Variants in CERS3 observed in about 807,000 individuals in gnomAD.
The protein encoded by CERS3 is ceramide synthase 3, also known as LAG1 homolog, ceramide synthase 3.
In CERS3, 33 loss-of-function variants were observed where a neutral mutation model predicts 50.3. The ratio of observed to expected loss-of-function variants is 0.66; its 90% CI spans 0.50 to 0.88. The LOEUF (loss-of-function observed/expected upper bound fraction) is 0.88, where lower values mean the gene tolerates loss of function less well. Among genes scored for constraint, CERS3 ranks in the 40% least tolerant of loss-of-function variants. CERS3 has a pLI of 0.00. For synonymous variants in CERS3, 176 were observed against 155.2 expected (o/e 1.13, Z -0.99); for missense variants, 470 against 460.3 (o/e 1.02, Z -0.19).
intron 11 of CERS3, among the ~76,000 whole-genome samples, chr15:100,442,287 A>C (rs2587815): frequency 0.95 from 145,108 of 152,252 alleles, 69,556 homozygotes; most frequent in East Asian, 1. Flanking sequence ...TCTCAATATA[A>C]ATTTTATTAC....
intron 4 of CERS3, among the ~76,000 whole-genome samples, chr15:100,486,562 A>G (rs2035492209): frequency 6.6e-6 from 1 of 152,254 alleles, no homozygotes; most frequent in South Asian, 2.1e-4. Flanking sequence ...TCATTTAAGA[A>G]AAAAGTATTC....
chr15:100,511,578 G>A (rs143959813), intron 2 of CERS3, among the ~76,000 whole-genome samples: 712 of 65,368 alleles, frequency 0.011, 112 homozygotes, highest in East Asian at 0.025. Flanking sequence ...TCCATTGGGA[G>A]CCTGGGCTTC....
intron 11 of CERS3, among the ~76,000 whole-genome samples, chr15:100,410,560 C>T (rs1390734096): frequency 1.3e-5 from 2 of 152,184 alleles, no homozygotes; most frequent in African/African-American, 4.8e-5. Flanking sequence ...GACGAACTGC[C>T]TCACATTCCA....
chr15:100,476,756 A>G (rs555468475), intron 7 of CERS3, among the ~76,000 whole-genome samples: 1 of 152,160 alleles, frequency 6.6e-6, no homozygotes, highest in African/African-American at 2.4e-5. Flanking sequence ...GGTGGTGTTT[A>G]TTTTAGCTAA....
intron 2 of CERS3, among the ~76,000 whole-genome samples, chr15:100,504,130 C>T (rs1269485732): frequency 3.9e-5 from 6 of 152,144 alleles, no homozygotes; most frequent in Non-Finnish European, 5.9e-5. Context: ...GAGATAATTC[C>T]GTACCTCATC....
At chr15:100,469,604 G>T in intron 9 of CERS3, 120 bp from the exon 10 acceptor site, 1 of 677,974 alleles carries the variant, frequency 1.5e-6, no homozygotes, top group Non-Finnish European at 2.5e-6. Flanking sequence ...GTGGAAAGTA[G>T]GGGGTACAGG....
chr15:100,423,499 CA>C (rs1427171737), intron 11 of CERS3, among the ~76,000 whole-genome samples: 1 of 152,052 alleles, frequency 6.6e-6, no homozygotes, highest in African/African-American at 2.4e-5. Flanking sequence ...GCCATTATCC[CA>C]AGTAAATTAA....
intron 10 of CERS3, among the ~76,000 whole-genome samples, chr15:100,459,388 C>G (rs1049662773): frequency 6.6e-6 from 1 of 152,146 alleles, no homozygotes; most frequent in African/African-American, 2.4e-5. Flanking sequence ...CTCTACCTCC[C>G]AGGCTCAAGC....
intron 7 of CERS3, among the ~76,000 whole-genome samples, chr15:100,477,497 A>C (rs1221074047): frequency 6.6e-6 from 1 of 152,128 alleles, no homozygotes; most frequent in Non-Finnish European, 1.5e-5. Flanking sequence ...TGAAGACGTC[A>C]GAGAGCAAGT....
At chr15:100,410,438 A>G (rs1451795248) in intron 11 of CERS3, among the ~76,000 whole-genome samples, 1 of 152,198 alleles carries the variant, frequency 6.6e-6, no homozygotes, top group African/African-American at 2.4e-5. Flanking sequence ...ACAACACACC[A>G]GGAGAAACTG....
intron 11 of CERS3, among the ~76,000 whole-genome samples, chr15:100,434,141 A>G (rs544112741): frequency 2.6e-5 from 4 of 152,342 alleles, no homozygotes; most frequent in Admixed American, 2.6e-4. Flanking sequence ...CCAGGCTCAG[A>G]CTGAAGACGT....
At chr15:100,521,446 A>G (rs1002641622) in intron 2 of CERS3, among the ~76,000 whole-genome samples, 1 of 152,178 alleles carries the variant, frequency 6.6e-6, no homozygotes, top group African/African-American at 2.4e-5. Flanking sequence ...CTGCTGTCAC[A>G]TGAAGCTTTC....
chr15:100,535,819 G>A (rs1467562206), intron 1 of CERS3, among the ~76,000 whole-genome samples: 1 of 111,346 alleles, frequency 9.0e-6, no homozygotes, highest in Non-Finnish European at 1.9e-5. Context: ...TGCACGGGAA[G>A]TGGGGACATC....
At chr15:100,508,445 G>A (rs1474107212) in intron 2 of CERS3, among the ~76,000 whole-genome samples, 1 of 152,160 alleles carries the variant, frequency 6.6e-6, no homozygotes, top group Non-Finnish European at 1.5e-5. Flanking sequence ...GGTTAACTGT[G>A]TAAGCATCGC....
chr15:100,466,841 C>CTCTGTCTCTCTT (rs1567638738), intron 10 of CERS3, among the ~76,000 whole-genome samples: 2 of 8,776 alleles, frequency 2.3e-4, no homozygotes, highest in Admixed American at 2.2e-3. Flanking sequence ...CCCTCTCTCC[C>CTCTGTCTCTCTT]TCTCTCTTTC....
At chr15:100,426,804 C>A (rs573543711) in intron 11 of CERS3, among the ~76,000 whole-genome samples, 1 of 152,320 alleles carries the variant, frequency 6.6e-6, no homozygotes, top group East Asian at 1.9e-4. Flanking sequence ...CCCCTTAACA[C>A]CACCTTTTTC....
intron 3 of CERS3, among the ~76,000 whole-genome samples, chr15:100,494,243 ATATATATATATATATT>A (rs1313931859): frequency 0.18 from 4,416 of 24,510 alleles, 271 homozygotes; most frequent in Non-Finnish European, 0.27. Context: ...ATATATATAT[ATATATATATATATATT>A]TGTTTTGAGA....
chr15:100,447,151 C>A (rs2033975175), intron 11 of CERS3, among the ~76,000 whole-genome samples: 1 of 152,230 alleles, frequency 6.6e-6, no homozygotes, highest in Non-Finnish European at 1.5e-5. Flanking sequence ...AATTAACAGT[C>A]TGGCACCTTT....
upstream of CERS3, among the ~76,000 whole-genome samples, chr15:100,530,596 T>C (rs940440618): frequency 6.6e-6 from 1 of 152,358 alleles, no homozygotes; most frequent in Non-Finnish European, 1.5e-5. Context: ...CCCACTACTT[T>C]GGGAATCCTC....
Sources: gnomAD v4.1 joint callset for allele counts (sites outside exome capture counted in the v4.1 genomes callset) on GRCh38, gnomAD v4.1.1 for gene constraint, MANE v1.5 for transcripts, NCBI Gene and HGNC (gene_info 2026-07-23, HGNC 2026-07-21) for gene names.